Variants in RSF1 observed in about 807,000 individuals in gnomAD.
The protein encoded by RSF1 is remodeling and spacing factor 1.
Under a neutral mutation model 145.2 loss-of-function variants are expected in RSF1, and 13 were observed. That is an observed-to-expected ratio of 0.09 (90% CI 0.06 to 0.14). RSF1 has a LOEUF of 0.14. Among genes scored for constraint, RSF1 ranks in the 10% least tolerant of loss-of-function variants. The pLI is 1.00. For missense variants in RSF1, 1,517 were observed against 1,718.2 expected, an observed-to-expected ratio of 0.88 and a Z score of 2.07; for synonymous variants, 577 against 592.6, an observed-to-expected ratio of 0.97 and a Z score of 0.38.
At chr11:77,677,839 G>T (rs1959748889) in intron 12 of RSF1, among the ~76,000 whole-genome samples, 1 of 152,188 alleles carries the variant, frequency 6.6e-6, no homozygotes. Flanking sequence ...TTTAACCTAT[G>T]AAGGAACATC....
At chr11:77,724,802 G>C (rs1278780582) in intron 5 of RSF1, among the ~76,000 whole-genome samples, 1 of 152,138 alleles carries the variant, frequency 6.6e-6, no homozygotes, top group Admixed American at 6.5e-5. Flanking sequence ...GATCTGACAG[G>C]AGGTGGAGCT....
the RSF1 span, among the ~76,000 whole-genome samples, chr11:77,826,823 A>T: frequency 6.6e-6 from 1 of 152,204 alleles, no homozygotes; most frequent in Non-Finnish European, 1.5e-5. Context: ...ACTGAATTGG[A>T]GCTGGGTGCA....
intron 1 of RSF1, among the ~76,000 whole-genome samples, chr11:77,768,015 C>A (rs1347507206): frequency 2.0e-5 from 3 of 152,056 alleles, no homozygotes; most frequent in African/African-American, 2.4e-5. Flanking sequence ...CTACAGTCAG[C>A]ACTGTGCAAT....
At chr11:77,685,427 C>A (rs1394815914) in intron 9 of RSF1, among the ~76,000 whole-genome samples, 2 of 152,118 alleles carry the variant, frequency 1.3e-5, no homozygotes, top group African/African-American at 2.4e-5. Context: ...TTGCAAGTAG[C>A]TGGGATTACA....
the RSF1 span, chr11:77,855,201 G>A: frequency 1.3e-5 from 2 of 152,202 alleles, no homozygotes; most frequent in African/African-American, 2.4e-5. Context: ...CTACTGTGAA[G>A]GTCTCTGAAA....
At chr11:77,731,100 CT>C (rs1961197026) in intron 4 of RSF1, among the ~76,000 whole-genome samples, 1 of 152,108 alleles carries the variant, frequency 6.6e-6, no homozygotes, top group Non-Finnish European at 1.5e-5. Flanking sequence ...TTCCTAGAGA[CT>C]TGTTGAATGG....
the RSF1 span, among the ~76,000 whole-genome samples, chr11:77,838,364 C>T: frequency 3.9e-5 from 6 of 152,060 alleles, no homozygotes; most frequent in Admixed American, 2.6e-4. Flanking sequence ...GAGATTATAT[C>T]CTTGATACAC....
chr11:77,702,024 G>A lies in RSF1; in HGVS notation c.1205C>T (p.Pro402Leu), dbSNP rs1488337967. ...SDDFDSPVKG[P>L]LCKSVTPTKE... is the part of the protein sequence containing the mutation. ...TGTTGGAGTAACTGATTTACACAAAGGTCCCTTGACTGGACTGTCAAAATC... is the reference window on the plus strand; with the variant it reads ...TGTTGGAGTAACTGATTTACACAAAAGTCCCTTGACTGGACTGTCAAAATC... The change falls in exon 6 of 16, where the codon CCT becomes CTT. Residue 402 changes from proline (P) to leucine (L), a missense_variant. Pro to Leu is a moderately conservative substitution (Grantham distance 98). Transcript: ENST00000308488. 6.2e-7 allele frequency: 1 copy of A among 1,613,846 alleles called. No individual in the cohort carries two copies. Among genetic ancestry groups the A allele is most frequent in the East Asian group, 2.2e-5 (1 of 44,872 alleles).
the RSF1 span, chr11:77,842,569 G>T: frequency 1.2e-6 from 2 of 1,614,020 alleles, no homozygotes; most frequent in South Asian, 2.2e-5. Flanking sequence ...AACCTATAAG[G>T]ACTGCAAAGT....
intron 11 of RSF1, among the ~76,000 whole-genome samples, chr11:77,681,711 G>A (rs542869458): frequency 6.6e-6 from 1 of 152,264 alleles, no homozygotes; most frequent in African/African-American, 2.4e-5. Flanking sequence ...ACTTCACTAT[G>A]TGTTATAATA....
At chr11:77,811,860 A>G (rs750467710) in intron 1 of RSF1, among the ~76,000 whole-genome samples, 2 of 152,202 alleles carry the variant, frequency 1.3e-5, no homozygotes, top group Non-Finnish European at 2.9e-5. Flanking sequence ...CATTCATTTA[A>G]GAGGTAATTC....
At chr11:77,797,549 C>T (rs1307800177) in intron 1 of RSF1, among the ~76,000 whole-genome samples, 1 of 152,084 alleles carries the variant, frequency 6.6e-6, no homozygotes, top group Non-Finnish European at 1.5e-5. Context: ...GACCTAGGAC[C>T]ATAAAAATCC....
chr11:77,663,698 C>T lies in RSF1; in HGVS notation c.*3219G>A, dbSNP rs1959289268. 1 of 152,184 alleles carries T rather than the reference C, an allele frequency of 6.6e-6. No homozygotes were observed. The highest frequency in any genetic ancestry group is 2.4e-5 in the African/African-American group (1 of 41,454). 9.4% of individuals were successfully genotyped at this position (152,184 alleles called of 1,614,324 possible). ...TGCCAATGATGGAAAATGTTTTACA[C>T]TAATTTCATCAGCACTGATGTACAA... On this transcript the variant is annotated 3_prime_UTR_variant, in exon 16 of 16. Coordinates refer to ENST00000308488, the MANE Select transcript of RSF1 (RefSeq NM_016578.4).
the RSF1 span, among the ~76,000 whole-genome samples, chr11:77,865,993 G>C: frequency 6.6e-6 from 1 of 152,206 alleles, no homozygotes; most frequent in East Asian, 1.9e-4. Context: ...GACTCAGGCA[G>C]TGTCCACAGG....
chr11:77,773,963 A>G (rs1255152042), intron 1 of RSF1, among the ~76,000 whole-genome samples: 1 of 152,244 alleles, frequency 6.6e-6, no homozygotes, highest in Admixed American at 6.5e-5. Context: ...GACAACAACA[A>G]CAAAAAAGAA....
At chr11:77,733,573 T>G (rs1437376808) in intron 4 of RSF1, among the ~76,000 whole-genome samples, 2 of 151,100 alleles carry the variant, frequency 1.3e-5, no homozygotes, top group Non-Finnish European at 2.9e-5. Flanking sequence ...TTTTTTTTTT[T>G]TTTTGAGACA....
chr11:77,700,600 TCAGA>T (rs781293337), intron 6 of RSF1, 117 bp downstream of exon 6: 11 of 685,462 alleles, frequency 1.6e-5, no homozygotes, highest in Non-Finnish European at 2.1e-5. Context: ...AAAAGGTATC[TCAGA>T]CAGAGGAAGA....
intron 1 of RSF1, among the ~76,000 whole-genome samples, chr11:77,819,692 T>C (rs982584908): frequency 8.6e-5 from 13 of 152,034 alleles, no homozygotes; most frequent in African/African-American, 3.1e-4. Flanking sequence ...GGAGACGACT[T>C]CTTCGCCTAA....
chr11:77,757,778 T>C (rs902414985), intron 2 of RSF1, among the ~76,000 whole-genome samples: 1 of 151,716 alleles, frequency 6.6e-6, no homozygotes, highest in African/African-American at 2.4e-5. Flanking sequence ...CTAAAGCCAG[T>C]TGTAATAATT....
Sources: gnomAD v4.1 joint callset for allele counts (sites outside exome capture counted in the v4.1 genomes callset) on GRCh38, gnomAD v4.1.1 for gene constraint, MANE v1.5 for transcripts, NCBI Gene and HGNC (gene_info 2026-07-23, HGNC 2026-07-21) for gene names.